Variants in IQGAP1 observed in about 807,000 individuals in gnomAD.
IQGAP1 encodes IQ motif containing GTPase activating protein 1, also known as ras GTPase-activating-like protein IQGAP1.
A neutral mutation model predicts 215.6 loss-of-function variants in IQGAP1; 66 were observed. The observed-to-expected ratio is 0.31, with a 90% CI of 0.25 to 0.38. IQGAP1 has a LOEUF of 0.38. Among genes scored for constraint, IQGAP1 ranks in the 10% least tolerant of loss-of-function variants. The pLI, the probability that IQGAP1 is intolerant of heterozygous loss-of-function variation, is 1.00. For synonymous variants in IQGAP1, 772 were observed against 728.7 expected (o/e 1.06, Z -0.96); for missense variants, 1,712 against 1,997.1 (o/e 0.86, Z 2.72).
chr15:90,479,152 A>G (rs1005420988), intron 26 of IQGAP1, among the ~76,000 whole-genome samples: 1 of 152,130 alleles, frequency 6.6e-6, no homozygotes, highest in African/African-American at 2.4e-5. Flanking sequence ...TGTCCACACC[A>G]TTGCTATTCA....
intron 8 of IQGAP1, among the ~76,000 whole-genome samples, chr15:90,442,191 A>C (rs1036596734): frequency 4.6e-5 from 7 of 152,336 alleles, no homozygotes; most frequent in African/African-American, 1.7e-4. Flanking sequence ...TGTGGAAGTT[A>C]GTTAAATGAT....
chr15:90,414,002 C>T (rs570056655), intron 2 of IQGAP1, among the ~76,000 whole-genome samples: 2 of 151,958 alleles, frequency 1.3e-5, no homozygotes, highest in South Asian at 2.1e-4. Context: ...TATCTTTAGC[C>T]CCTCCTTCAC....
chr15:90,389,693 G>C (rs1028407779), intron 1 of IQGAP1, among the ~76,000 whole-genome samples: 2 of 151,724 alleles, frequency 1.3e-5, no homozygotes, highest in African/African-American at 4.8e-5. Context: ...AGTGACTCCT[G>C]CGTGTAATCC....
At chr15:90,403,710 G>C (rs1382641984) in intron 2 of IQGAP1, among the ~76,000 whole-genome samples, 2 of 152,178 alleles carry the variant, frequency 1.3e-5, no homozygotes, top group African/African-American at 4.8e-5. Flanking sequence ...GTCTTGCTCT[G>C]TTGCCCAGGC....
Position 90,499,509 on chromosome 15 carries a change from A to G in IQGAP1, c.4861-486A>G, listed in dbSNP as rs576599907. Among the ~76,000 whole-genome samples, 70 of 152,342 alleles carry G rather than the reference A, an allele frequency of 4.6e-4. No homozygotes were observed. In the South Asian group the frequency reaches 8.1e-3, roughly 18 times the overall value. Reference sequence around the variant, plus strand: ...CATATGGAATAGAAATTAAGAATCTATCAGATAGTATTAAGGTGACATTAC... The same window carrying G: ...CATATGGAATAGAAATTAAGAATCTGTCAGATAGTATTAAGGTGACATTAC... On this transcript the variant is annotated intron_variant, in intron 37 of 37. Coordinates refer to ENST00000268182, the MANE Select transcript of IQGAP1 (RefSeq NM_003870.4).
At chr15:90,413,229 C>G (rs138142802) in intron 2 of IQGAP1, among the ~76,000 whole-genome samples, 4 of 152,276 alleles carry the variant, frequency 2.6e-5, no homozygotes, top group Middle Eastern at 3.4e-3. Flanking sequence ...CCCCCACACT[C>G]ATGTGTACAT....
intron 24 of IQGAP1, 86 bp downstream of exon 24, chr15:90,476,904 T>C (rs1965987919): frequency 1.4e-6 from 2 of 1,458,194 alleles, no homozygotes; most frequent in East Asian, 2.3e-5. Flanking sequence ...TCTCTGGAAG[T>C]ATTTTTGACT....
chr15:90,388,338 C>G lies in IQGAP1; in HGVS notation c.-4C>G. The G allele has an allele frequency of 6.3e-7, 1 of 1,595,774 alleles. No individual in the cohort carries two copies. The highest frequency in any genetic ancestry group is 1.4e-5 in the African/African-American group (1 of 72,246). On this transcript the variant is annotated 5_prime_UTR_variant, in exon 1 of 38. Transcript: ENST00000268182. ...TCCTCAGCAGAGACTCGGGCTCGTC[C>G]GCCATGTCCGCCGCAGACGAGGTTG... is the stretch of plus-strand genomic sequence containing the variant.
chr15:90,491,305 G>A (rs1567144200), intron 33 of IQGAP1, 28 bp from the exon 34 acceptor site: 1 of 1,595,752 alleles, frequency 6.3e-7, no homozygotes, highest in Admixed American at 1.7e-5. Flanking sequence ...TGGTAAACTT[G>A]CTAAGAACTT....
In IQGAP1 at chr15:90,421,511, G is replaced by C. The variant is rs1460712097; in HGVS notation, c.156-4599G>C. ...AAAAAGCTAGAGATATGGTTTAGCA[G>C]CTCTATATTTGGGGAAAAAAGGAGT... On this transcript the variant is annotated intron_variant, in intron 2 of 37. Coordinates refer to ENST00000268182, the MANE Select transcript of IQGAP1 (RefSeq NM_003870.4). 2.6e-5 allele frequency among the ~76,000 whole-genome samples: 4 copies of C among 151,924 alleles called. No individual in the cohort carries two copies. In the South Asian group the frequency reaches 6.2e-4, roughly 24 times the overall value.
rs145042996 is a variant in IQGAP1 at position 90,465,478 on chromosome 15, C to T, written c.1777-523C>T. Among the ~76,000 whole-genome samples, 14 of 152,280 alleles carry T rather than the reference C, an allele frequency of 9.2e-5. No homozygotes were observed. In the East Asian group the frequency reaches 2.7e-3, roughly 29 times the overall value. ...TTCATCTTTATATAATCTTCACCTA[C>T]ATGTGAGCCATTTCCCTTATCTTAT... is the stretch of plus-strand genomic sequence containing the variant. On this transcript the variant is annotated intron_variant, in intron 15 of 37. Transcript: ENST00000268182.
chr15:90,485,318 T>C (rs1290538195), intron 30 of IQGAP1, among the ~76,000 whole-genome samples: 1 of 152,246 alleles, frequency 6.6e-6, no homozygotes, highest in Non-Finnish European at 1.5e-5. Flanking sequence ...AATCATGTCA[T>C]ACACTGGAAA....
Position 90,433,712 on chromosome 15 carries a change from T to C in IQGAP1, c.391-7T>C. 1 of 1,542,094 alleles carries C rather than the reference T, an allele frequency of 6.5e-7. No homozygotes were observed. Among genetic ancestry groups the C allele is most frequent in the Non-Finnish European group, 8.9e-7 (1 of 1,118,798 alleles). ...TATCTTACTCTGTTTCTTTTATTTC[T>C]CCCTAGATTTTTTACCCAGAAACTA... is the stretch of plus-strand genomic sequence containing the variant. On this transcript the variant is annotated splice_region_variant and splice_polypyrimidine_tract_variant and intron_variant, in intron 4 of 37. Coordinates refer to ENST00000268182, the MANE Select transcript of IQGAP1 (RefSeq NM_003870.4).
chr15:90,454,687 A>C, intron 14 of IQGAP1, 135 bp downstream of exon 14: 2 of 951,562 alleles, frequency 2.1e-6, no homozygotes, highest in Non-Finnish European at 3.0e-6. Flanking sequence ...ACAAAAGGCT[A>C]AAGTTGGATA....
intron 2 of IQGAP1, among the ~76,000 whole-genome samples, chr15:90,411,871 GAGTA>G (rs1349443393): frequency 6.6e-6 from 1 of 152,138 alleles, no homozygotes; most frequent in Non-Finnish European, 1.5e-5. Flanking sequence ...CTTGATCAAG[GAGTA>G]AGTAATCTAT....
intron 15 of IQGAP1, among the ~76,000 whole-genome samples, chr15:90,462,241 A>G (rs1233074513): frequency 6.6e-6 from 1 of 152,202 alleles, no homozygotes; most frequent in Non-Finnish European, 1.5e-5. Flanking sequence ...ATGCTTATAT[A>G]CATGTAGCTA....
At position 90,474,466 on chromosome 15, in the gene IQGAP1, G is replaced by A. The variant is rs1965950027; in HGVS notation, c.2576-19G>A. The A allele has an allele frequency of 1.3e-6, 2 of 1,590,186 alleles. No individual in the cohort carries two copies. Among genetic ancestry groups the A allele is most frequent in the Non-Finnish European group, 1.7e-6 (2 of 1,158,684 alleles). On this transcript the variant is annotated intron_variant, in intron 22 of 37. Coordinates refer to ENST00000268182, the MANE Select transcript of IQGAP1 (RefSeq NM_003870.4). ...ACTTTTTCTGCTAACTCCATTCTTT[G>A]ATGCATACTTTCTGTCAGTCAATGC...
chr15:90,428,597 A>G (rs1965259673), intron 3 of IQGAP1, among the ~76,000 whole-genome samples: 1 of 152,020 alleles, frequency 6.6e-6, no homozygotes. Flanking sequence ...CTGGGCAACA[A>G]GGTGAAACCT....
intron 6 of IQGAP1, among the ~76,000 whole-genome samples, chr15:90,440,129 G>C (rs551085891): frequency 1.3e-5 from 2 of 152,326 alleles, no homozygotes; most frequent in South Asian, 4.1e-4. Context: ...TTGAATAGCA[G>C]CTAATGATTG....
Sources: allele counts gnomAD v4.1 joint callset (sites outside exome capture counted in the v4.1 genomes callset), GRCh38; gene constraint gnomAD v4.1.1; transcripts MANE v1.5; gene names NCBI Gene and HGNC (gene_info 2026-07-23, HGNC 2026-07-21).